The following CAMK2A variants were observed in gnomAD, a reference collection of about 807,000 sequenced individuals.
CAMK2A encodes calcium/calmodulin-dependent protein kinase type II subunit alpha.
CAMK2A carries 7 observed loss-of-function variants against 79.2 expected under a neutral mutation model. The ratio of observed to expected loss-of-function variants is 0.09; its 90% CI spans 0.05 to 0.17. CAMK2A has a LOEUF of 0.17. Ranked by LOEUF, CAMK2A falls within the 10% of genes least tolerant of loss-of-function variation. The probability of loss-of-function intolerance (pLI) is 1.00; values close to 1 mark genes in which losing one functional copy is unlikely to be tolerated. For missense variants in CAMK2A, 214 were observed against 646.4 expected, an observed-to-expected ratio of 0.33 and a Z score of 7.25; for synonymous variants, 242 against 251.7, an observed-to-expected ratio of 0.96 and a Z score of 0.36.
chr5:150,247,968 C>A (rs1474722209), intron 11 of CAMK2A, among the ~76,000 whole-genome samples, 154 bp from the exon 12 acceptor site: 1 of 152,140 alleles, frequency 6.6e-6, no homozygotes, highest in Non-Finnish European at 1.5e-5. Flanking sequence ...TTTGTCCCAA[C>A]CCCAACCCCA....
At position 150,219,859 on chromosome 5, in the gene CAMK2A, T is replaced by G. The variant is rs1754215026; in HGVS notation, c.*2851A>C. On this transcript the variant is annotated 3_prime_UTR_variant, in exon 19 of 19. Coordinates refer to ENST00000671881, the MANE Select transcript of CAMK2A (RefSeq NM_015981.4). ...AAGGTTTTGACTTGGGTTTGGATTT[T>G]TATTTATTTATTTATTATTATTATT... The G allele has an allele frequency of 1.3e-5, 1 of 78,570 alleles. No homozygotes were observed. Among genetic ancestry groups the G allele is most frequent in the Non-Finnish European group, 3.5e-5 (1 of 28,306 alleles). The allele number at this position is 78,570 out of a possible 1,614,324, so 4.9% of individuals were successfully genotyped here.
At chr5:150,226,867 G>A (rs1385668361) in intron 17 of CAMK2A, among the ~76,000 whole-genome samples, 3 of 149,590 alleles carry the variant, frequency 2.0e-5, no homozygotes, top group Non-Finnish European at 3.0e-5. Flanking sequence ...GCAGTGGTGC[G>A]ATCTTGGCTC....
chr5:150,230,731 G>A (rs1007740762), intron 16 of CAMK2A, among the ~76,000 whole-genome samples: 11 of 152,248 alleles, frequency 7.2e-5, no homozygotes, highest in African/African-American at 2.4e-4. Context: ...GGCAAGTCCA[G>A]GTGTGTATGT....
chr5:150,242,541 G>T (rs760552593), intron 13 of CAMK2A, among the ~76,000 whole-genome samples: 55 of 152,186 alleles, frequency 3.6e-4, no homozygotes, highest in Admixed American at 2.6e-4. Context: ...CCTCCCTGCT[G>T]GGCTGAAGGT....
intron 3 of CAMK2A, among the ~76,000 whole-genome samples, chr5:150,261,451 G>A (rs1392522835): frequency 6.6e-6 from 1 of 152,224 alleles, no homozygotes; most frequent in Non-Finnish European, 1.5e-5. Flanking sequence ...TCCTGGTGGA[G>A]TGACTGACGT....
intron 17 of CAMK2A, among the ~76,000 whole-genome samples, chr5:150,224,042 G>A (rs1382043909): frequency 1.3e-5 from 2 of 152,138 alleles, no homozygotes; most frequent in Non-Finnish European, 2.9e-5. Flanking sequence ...GTGGTCATGG[G>A]GTGAGGTCAT....
chr5:150,279,138 T>G (rs1280740178), intron 1 of CAMK2A, among the ~76,000 whole-genome samples: 5 of 152,150 alleles, frequency 3.3e-5, no homozygotes, highest in Admixed American at 2.0e-4. Flanking sequence ...GAACTTCCTG[T>G]GATGATGCAC....
intron 2 of CAMK2A, among the ~76,000 whole-genome samples, chr5:150,268,292 G>A (rs1300471242): frequency 6.6e-6 from 1 of 152,040 alleles, no homozygotes; most frequent in Admixed American, 6.6e-5. Flanking sequence ...TCACCTTCCG[G>A]CCAGGAAGCT....
chr5:150,275,319 G>C (rs1756904124), intron 1 of CAMK2A, among the ~76,000 whole-genome samples: 1 of 152,120 alleles, frequency 6.6e-6, no homozygotes, highest in African/African-American at 2.4e-5. Flanking sequence ...GAGCACCCCT[G>C]CTTAGAAAAA....
chr5:150,289,848 A>T (rs2150315860), upstream of CAMK2A: 12 of 534,112 alleles, frequency 2.2e-5, 1 homozygote, highest in South Asian at 3.2e-4. Flanking sequence ...ACCACCTCCA[A>T]AACGCCCTGT....
At chr5:150,250,574 T>C in intron 10 of CAMK2A, 114 bp downstream of exon 10, 1 of 1,431,986 alleles carries the variant, frequency 7.0e-7, no homozygotes, top group Non-Finnish European at 9.6e-7. Context: ...GGGCAGTCTC[T>C]TGGATTAAGC....
chr5:150,247,899 G>A, intron 11 of CAMK2A, 85 bp from the exon 12 acceptor site: 2 of 1,109,892 alleles, frequency 1.8e-6, no homozygotes, highest in South Asian at 1.3e-5. Context: ...GGGCCACGGG[G>A]AAGGAGAGGC....
intron 13 of CAMK2A, among the ~76,000 whole-genome samples, chr5:150,244,212 C>A (rs1273602174): frequency 6.6e-6 from 1 of 152,210 alleles, no homozygotes; most frequent in Non-Finnish European, 1.5e-5. Context: ...AGGCTAAGTA[C>A]AGAGGGGAGA....
intron 16 of CAMK2A, among the ~76,000 whole-genome samples, chr5:150,229,030 G>A (rs1754726608): frequency 6.6e-6 from 1 of 152,152 alleles, no homozygotes; most frequent in Non-Finnish European, 1.5e-5. Context: ...CAGGTCTGTG[G>A]GATCTTTTGT....
intron 17 of CAMK2A, among the ~76,000 whole-genome samples, chr5:150,226,746 G>GAAA (rs1562131912): frequency 5.1e-4 from 44 of 86,984 alleles, no homozygotes; most frequent in African/African-American, 1.7e-3. Flanking sequence ...AAAAAAAAAG[G>GAAA]GGGGGGGGGG....
chr5:150,243,491 G>A (rs933887822), intron 13 of CAMK2A, among the ~76,000 whole-genome samples: 1 of 152,170 alleles, frequency 6.6e-6, no homozygotes, highest in African/African-American at 2.4e-5. Context: ...ACCCAAAACA[G>A]CAGGCAAGCC....
In CAMK2A at chr5:150,219,568, G is replaced by GC. The variant is rs1391905895; in HGVS notation, c.*3141dup. On this transcript the variant is annotated 3_prime_UTR_variant, in exon 19 of 19. Coordinates refer to ENST00000671881, the MANE Select transcript of CAMK2A (RefSeq NM_015981.4). ...AACGCCCCTTCTTCCCATCCCACCCGCCCCCCCCAATAGCAGAAAGTTTGA... is the reference window on the plus strand; with the variant it reads ...AACGCCCCTTCTTCCCATCCCACCCGCCCCCCCCCAATAGCAGAAAGTTTGA... 2.3e-4 allele frequency: 5 copies of GC among 21,814 alleles called. No homozygotes were observed. Among genetic ancestry groups the GC allele is most frequent in the South Asian group, 1.2e-3 (1 of 806 alleles). The allele number at this position is 21,814 out of a possible 1,614,324, so 1.4% of individuals were successfully genotyped here. A position where few individuals can be genotyped will look rare whatever the true frequency, so the allele number is the denominator to read the frequency against.
intron 1 of CAMK2A, among the ~76,000 whole-genome samples, chr5:150,283,519 C>T (rs376125222): frequency 6.6e-6 from 1 of 152,150 alleles, no homozygotes; most frequent in South Asian, 2.1e-4. Flanking sequence ...GAACTACAGG[C>T]GTGCACCACT....
chr5:150,243,715 CT>C (rs1179209258), intron 13 of CAMK2A, among the ~76,000 whole-genome samples: 1 of 152,184 alleles, frequency 6.6e-6, no homozygotes, highest in African/African-American at 2.4e-5. Flanking sequence ...CCTTGCTAAG[CT>C]CTCAGGGCGC....
Sources: allele counts gnomAD v4.1 joint callset (sites outside exome capture counted in the v4.1 genomes callset), GRCh38; gene constraint gnomAD v4.1.1; transcripts MANE v1.5; gene names NCBI Gene and HGNC (gene_info 2026-07-23, HGNC 2026-07-21).